DSCAM: variants seen among roughly 807,000 people sequenced by gnomAD.
The protein encoded by DSCAM is cell adhesion molecule DSCAM.
DSCAM carries 47 observed loss-of-function variants against 217.7 expected under a neutral mutation model. The ratio of observed to expected loss-of-function variants is 0.22; its 90% CI spans 0.17 to 0.28. The LOEUF is 0.28. Among genes scored for constraint, DSCAM ranks in the 10% least tolerant of loss-of-function variants. The pLI is 1.00. For synonymous variants in DSCAM, 1,056 were observed against 1,015.3 expected (o/e 1.04, Z -0.76); for missense variants, 2,080 against 2,618.3 (o/e 0.79, Z 4.49).
chr21:40,476,023 G>A (rs1171465765), intron 3 of DSCAM, among the ~76,000 whole-genome samples: 1 of 152,042 alleles, frequency 6.6e-6, no homozygotes, highest in African/African-American at 2.4e-5. Context: ...CTTTGGGTGG[G>A]TGCTTCACTC....
intron 3 of DSCAM, among the ~76,000 whole-genome samples, chr21:40,480,602 T>C (rs1291416060): frequency 6.6e-6 from 1 of 152,252 alleles, no homozygotes; most frequent in African/African-American, 2.4e-5. Flanking sequence ...CCTATCTTCA[T>C]GTGACATATT....
intron 1 of DSCAM, among the ~76,000 whole-genome samples, chr21:40,782,754 T>TAA (rs147111604): frequency 6.6e-6 from 1 of 151,492 alleles, no homozygotes; most frequent in East Asian, 1.9e-4. Flanking sequence ...ATAAAATAAA[T>TAA]AAAAAAAAAT....
At chr21:40,194,465 A>G (rs554412761) in intron 11 of DSCAM, among the ~76,000 whole-genome samples, 3 of 152,278 alleles carry the variant, frequency 2.0e-5, no homozygotes, top group Admixed American at 6.5e-5. Context: ...GGGTAATTTA[A>G]CAGGGATTGG....
chr21:40,603,499 C>A (rs756359209), intron 3 of DSCAM, among the ~76,000 whole-genome samples: 1 of 152,262 alleles, frequency 6.6e-6, no homozygotes, highest in African/African-American at 2.4e-5. Flanking sequence ...TTTATTCCTA[C>A]GAAGCTCCTC....
chr21:40,157,657 C>T (rs546295308), intron 16 of DSCAM, among the ~76,000 whole-genome samples: 32 of 152,058 alleles, frequency 2.1e-4, no homozygotes, highest in African/African-American at 7.2e-4. Flanking sequence ...GGCATTCTTT[C>T]TCTAGAGCTA....
At chr21:40,521,784 G>C (rs1404166872) in intron 3 of DSCAM, among the ~76,000 whole-genome samples, 1 of 152,134 alleles carries the variant, frequency 6.6e-6, no homozygotes, top group East Asian at 1.9e-4. Context: ...CTGGCGTTCT[G>C]TTGCACAGTC....
chr21:40,393,658 CATT>C (rs1417794779), intron 3 of DSCAM, among the ~76,000 whole-genome samples: 1 of 152,060 alleles, frequency 6.6e-6, no homozygotes, highest in African/African-American at 2.4e-5. Flanking sequence ...CAGAGCTGAC[CATT>C]ATTAACATGT....
chr21:40,726,831 T>A (rs983776961), intron 1 of DSCAM, among the ~76,000 whole-genome samples: 2 of 152,112 alleles, frequency 1.3e-5, no homozygotes, highest in African/African-American at 4.8e-5. Flanking sequence ...AATAGATCAA[T>A]CCATGAATGG....
chr21:40,681,768 T>C (rs1320787123), intron 3 of DSCAM, among the ~76,000 whole-genome samples: 1 of 152,134 alleles, frequency 6.6e-6, no homozygotes, highest in Non-Finnish European at 1.5e-5. Context: ...ATATGACTGT[T>C]GGCTTTATTA....
chr21:40,415,608 T>TG (rs2075363504), intron 3 of DSCAM, among the ~76,000 whole-genome samples: 1 of 152,202 alleles, frequency 6.6e-6, no homozygotes, highest in Non-Finnish European at 1.5e-5. Context: ...GGCCTAGGCC[T>TG]GGACAGGGAA....
intron 3 of DSCAM, among the ~76,000 whole-genome samples, chr21:40,553,022 A>C (rs1421781391): frequency 2.0e-5 from 3 of 152,244 alleles, no homozygotes; most frequent in Non-Finnish European, 2.9e-5. Flanking sequence ...AACCATCACT[A>C]AGCATCTTTG....
chr21:40,834,091 C>T (rs2092034520), intron 1 of DSCAM, among the ~76,000 whole-genome samples: 2 of 152,046 alleles, frequency 1.3e-5, no homozygotes, highest in Non-Finnish European at 2.9e-5. Context: ...GTAACCAAGT[C>T]ATAAAAATAG....
intron 10 of DSCAM, among the ~76,000 whole-genome samples, chr21:40,282,422 C>G (rs2073773346): frequency 6.6e-6 from 1 of 151,064 alleles, no homozygotes; most frequent in Admixed American, 6.6e-5. Flanking sequence ...CCCGTCTCTA[C>G]TAAAAATACA....
chr21:40,413,970 C>T (rs1277263262), intron 3 of DSCAM, among the ~76,000 whole-genome samples: 1 of 152,100 alleles, frequency 6.6e-6, no homozygotes, highest in Non-Finnish European at 1.5e-5. Flanking sequence ...ATATACAGAA[C>T]TTAACTTGAA....
At chr21:40,505,405 A>G (rs1225562734) in intron 3 of DSCAM, among the ~76,000 whole-genome samples, 1 of 152,200 alleles carries the variant, frequency 6.6e-6, no homozygotes, top group Non-Finnish European at 1.5e-5. Flanking sequence ...TTTGATAAGA[A>G]TAGGAAAGTT....
intron 3 of DSCAM, among the ~76,000 whole-genome samples, chr21:40,478,829 C>A (rs114101363): frequency 1.3e-5 from 2 of 152,152 alleles, no homozygotes; most frequent in South Asian, 4.1e-4. Flanking sequence ...TTTTTCTATA[C>A]ATCCACACCT....
intron 3 of DSCAM, among the ~76,000 whole-genome samples, chr21:40,605,727 C>G (rs1441385656): frequency 6.9e-6 from 1 of 145,386 alleles, no homozygotes; most frequent in African/African-American, 2.6e-5. Flanking sequence ...TAAACATGAG[C>G]AAAGGTGAAT....
chr21:40,749,058 C>T (rs563440898), intron 1 of DSCAM, among the ~76,000 whole-genome samples: 1 of 152,156 alleles, frequency 6.6e-6, no homozygotes, highest in East Asian at 1.9e-4. Flanking sequence ...ATCACTATCT[C>T]CATATTCAAA....
At chr21:40,047,961 T>C (rs2088869075) in intron 30 of DSCAM, among the ~76,000 whole-genome samples, 1 of 152,194 alleles carries the variant, frequency 6.6e-6, no homozygotes, top group Non-Finnish European at 1.5e-5. Flanking sequence ...AGTCTATTCT[T>C]TAGTCTCTAC....
Sources: allele counts gnomAD v4.1 joint callset (sites outside exome capture counted in the v4.1 genomes callset), GRCh38; gene constraint gnomAD v4.1.1; transcripts MANE v1.5; gene names NCBI Gene and HGNC (gene_info 2026-07-23, HGNC 2026-07-21).